The following KCNH1 variants were observed in gnomAD, a reference collection of about 807,000 sequenced individuals.
KCNH1 encodes the protein voltage-gated delayed rectifier potassium channel KCNH1.
KCNH1 carries 27 observed loss-of-function variants against 69.2 expected under a neutral mutation model. That is an observed-to-expected ratio of 0.39 (90% CI 0.29 to 0.54). KCNH1 has a LOEUF of 0.54. Ranked by LOEUF, KCNH1 falls within the 20% of genes least tolerant of loss-of-function variation. The pLI is 0.68. For missense variants in KCNH1, 798 were observed against 1,261.6 expected, an observed-to-expected ratio of 0.63 and a Z score of 5.57; for synonymous variants, 456 against 487.7, an observed-to-expected ratio of 0.93 and a Z score of 0.86.
chr1:210,860,963 C>T (rs932745223), intron 7 of KCNH1: 3 of 984,184 alleles, frequency 3.0e-6, no homozygotes, highest in Non-Finnish European at 4.9e-6. Context: ...AGTGTTTCAG[C>T]TAAAGAGCCA....
chr1:211,075,002 C>T (rs541158500), intron 5 of KCNH1, among the ~76,000 whole-genome samples: 51 of 152,218 alleles, frequency 3.4e-4, no homozygotes, highest in Non-Finnish European at 2.4e-4. Context: ...CAGTTAGCTA[C>T]GTAGAGAAAA....
chr1:211,107,943 A>G (rs1343460462), intron 1 of KCNH1, among the ~76,000 whole-genome samples: 1 of 152,210 alleles, frequency 6.6e-6, no homozygotes, highest in African/African-American at 2.4e-5. Context: ...AATAGTAACT[A>G]GACTCTCTTA....
chr1:210,759,101 G>T (rs1683458132), intron 10 of KCNH1, among the ~76,000 whole-genome samples: 1 of 149,214 alleles, frequency 6.7e-6, no homozygotes, highest in Admixed American at 6.6e-5. Flanking sequence ...CATACCCCAA[G>T]GGGAAAAAAG....
At chr1:210,689,220 C>T (rs534114733) in intron 10 of KCNH1, among the ~76,000 whole-genome samples, 7 of 152,324 alleles carry the variant, frequency 4.6e-5, no homozygotes, top group Admixed American at 6.5e-5. Context: ...TAATTATTTT[C>T]AACTTGGTTT....
intron 1 of KCNH1, among the ~76,000 whole-genome samples, chr1:211,123,181 A>C (rs1254269362): frequency 6.6e-6 from 1 of 152,086 alleles, no homozygotes; most frequent in Non-Finnish European, 1.5e-5. Context: ...ACAAAACTCC[A>C]TGTCCTACCC....
intron 7 of KCNH1, among the ~76,000 whole-genome samples, chr1:210,812,405 A>C (rs1452279192): frequency 6.6e-6 from 1 of 152,208 alleles, no homozygotes; most frequent in Non-Finnish European, 1.5e-5. Context: ...AAAACTGAGA[A>C]AGCAGAAGCC....
At chr1:210,882,885 G>A (rs1042680960) in intron 7 of KCNH1, among the ~76,000 whole-genome samples, 6 of 152,140 alleles carry the variant, frequency 3.9e-5, no homozygotes, top group Non-Finnish European at 7.3e-5. Flanking sequence ...AAGCAAAAGC[G>A]TCATCACATT....
intron 6 of KCNH1, among the ~76,000 whole-genome samples, chr1:210,983,568 G>C (rs1434528453): frequency 6.6e-6 from 1 of 152,302 alleles, no homozygotes; most frequent in South Asian, 2.1e-4. Flanking sequence ...GTTTGTCAAA[G>C]ATCAGATAGT....
At chr1:211,060,093 T>C (rs1353589730) in intron 5 of KCNH1, among the ~76,000 whole-genome samples, 2 of 152,048 alleles carry the variant, frequency 1.3e-5, no homozygotes, top group African/African-American at 2.4e-5. Flanking sequence ...TTGGAAACTA[T>C]ACAAACACAT....
At chr1:210,691,084 T>TGTAA (rs1287128388) in intron 10 of KCNH1, among the ~76,000 whole-genome samples, 2 of 152,246 alleles carry the variant, frequency 1.3e-5, no homozygotes, top group Non-Finnish European at 2.9e-5. Flanking sequence ...AGTTGGATAA[T>TGTAA]GTAAGTAAGC....
intron 10 of KCNH1, among the ~76,000 whole-genome samples, chr1:210,697,399 C>T (rs556066850): frequency 6.6e-6 from 1 of 152,364 alleles, no homozygotes; most frequent in Non-Finnish European, 1.5e-5. Flanking sequence ...CGTGCTGCCT[C>T]CTGCAGGGGG....
intron 7 of KCNH1, among the ~76,000 whole-genome samples, chr1:210,868,290 T>C (rs985297009): frequency 6.6e-6 from 1 of 152,018 alleles, no homozygotes; most frequent in Non-Finnish European, 1.5e-5. Context: ...TTTAAAAAAT[T>C]TATTTTTAAT....
chr1:210,869,629 T>C (rs1025192088), intron 7 of KCNH1, among the ~76,000 whole-genome samples: 1 of 151,932 alleles, frequency 6.6e-6, no homozygotes, highest in Admixed American at 6.6e-5. Flanking sequence ...TGAACTGTGC[T>C]CTTACTGGCA....
At chr1:210,871,805 A>ATGT (rs1686254924) in intron 7 of KCNH1, among the ~76,000 whole-genome samples, 4 of 149,562 alleles carry the variant, frequency 2.7e-5, no homozygotes, top group Non-Finnish European at 4.4e-5. Flanking sequence ...CGCAAGAACA[A>ATGT]AAAACCAAAC....
chr1:210,810,056 C>T (rs556356484), intron 7 of KCNH1, among the ~76,000 whole-genome samples: 2 of 152,152 alleles, frequency 1.3e-5, no homozygotes, highest in African/African-American at 4.8e-5. Flanking sequence ...TCTTCCTCTT[C>T]CTTGGTTTAC....
At chr1:210,922,079 C>A (rs1165279236) in intron 6 of KCNH1, among the ~76,000 whole-genome samples, 1 of 151,642 alleles carries the variant, frequency 6.6e-6, no homozygotes, top group Non-Finnish European at 1.5e-5. Flanking sequence ...GATTTATTGC[C>A]CTTTAAAAAA....
At position 211,133,678 on chromosome 1, in the gene KCNH1, C is replaced by T. The variant is rs567003153; in HGVS notation, c.79+189G>A. On this transcript the variant is annotated intron_variant, in intron 1 of 10. Coordinates refer to ENST00000271751, the MANE Select transcript of KCNH1 (RefSeq NM_172362.3). This position sits in a 1 kb window ranked among gnomAD's most constrained non-coding sequence, Gnocchi z 5.4. ...AAGAGCTCTCCTGTTAGGATGGGGA[C>T]CCATCAGACCCCGCCCCGCCCTGCC... Among the ~76,000 whole-genome samples the T allele has an allele frequency of 4.6e-5, 7 of 152,232 alleles. No individual in the cohort carries two copies. The South Asian group carries it at 1.4e-3, about 32-fold the overall frequency.
chr1:210,698,201 C>T (rs765790720), intron 10 of KCNH1, among the ~76,000 whole-genome samples: 46 of 152,200 alleles, frequency 3.0e-4, no homozygotes, highest in Non-Finnish European at 1.0e-4. Flanking sequence ...ACCCAGCCCA[C>T]AGACTTGAAG....
intron 7 of KCNH1, among the ~76,000 whole-genome samples, chr1:210,846,817 T>C (rs547266942): frequency 3.9e-5 from 6 of 152,190 alleles, no homozygotes; most frequent in Non-Finnish European, 7.4e-5. Context: ...AAGAAAATTT[T>C]TGCAACCTAC....
Sources: gnomAD v4.1 joint callset for allele counts (sites outside exome capture counted in the v4.1 genomes callset) on GRCh38, gnomAD v4.1.1 for gene constraint, Gnocchi (gnomAD v3.1) non-coding constraint, MANE v1.5 for transcripts, NCBI Gene and HGNC (gene_info 2026-07-23, HGNC 2026-07-21) for gene names.